Variants in SEL1L2 observed in about 807,000 individuals in gnomAD.
The protein encoded by SEL1L2 is SEL1L2 adaptor subunit of SYVN1 ubiquitin ligase.
SEL1L2 carries 89 observed loss-of-function variants against 98.8 expected under a neutral mutation model. The observed-to-expected ratio is 0.90, with a 90% confidence interval of 0.76 to 1.07. The LOEUF is 1.07. SEL1L2 is among the 50% of genes least tolerant of loss of function. The pLI is 0.00. For synonymous variants in SEL1L2, 262 were observed against 278.5 expected (o/e 0.94, Z 0.59); for missense variants, 788 against 812.0 (o/e 0.97, Z 0.36).
intron 12 of SEL1L2, among the ~76,000 whole-genome samples, chr20:13,872,334 C>A (rs909262526): frequency 6.6e-6 from 1 of 152,072 alleles, no homozygotes; most frequent in Admixed American, 6.6e-5. Flanking sequence ...ATCATGGGGG[C>A]GGTTACCCCC....
At chr20:13,908,952 C>T (rs1161573629) in intron 5 of SEL1L2, among the ~76,000 whole-genome samples, 1 of 150,828 alleles carries the variant, frequency 6.6e-6, no homozygotes, top group African/African-American at 2.5e-5. Flanking sequence ...AATAGGAATT[C>T]CTATCTTTTT....
intron 12 of SEL1L2, among the ~76,000 whole-genome samples, chr20:13,872,462 G>A (rs191266759): frequency 2.0e-5 from 3 of 152,144 alleles, no homozygotes; most frequent in Non-Finnish European, 4.4e-5. Flanking sequence ...GAAGGACGTG[G>A]TTGCTTTCCC....
chr20:13,895,597 C>T (rs1240543432), intron 5 of SEL1L2, among the ~76,000 whole-genome samples: 2 of 152,180 alleles, frequency 1.3e-5, no homozygotes, highest in Non-Finnish European at 2.9e-5. Flanking sequence ...AAGGAAATTG[C>T]CTCAACATAA....
chr20:13,983,394 CCTGT>C (rs2051965412), intron 1 of SEL1L2, among the ~76,000 whole-genome samples: 2 of 151,952 alleles, frequency 1.3e-5, no homozygotes, highest in African/African-American at 4.8e-5. Context: ...AAAGGGCAGA[CCTGT>C]CTGTTTTGCC....
At chr20:13,904,708 T>C (rs934830867) in intron 5 of SEL1L2, among the ~76,000 whole-genome samples, 6 of 152,322 alleles carry the variant, frequency 3.9e-5, no homozygotes, top group Admixed American at 3.3e-4. Flanking sequence ...AATGGCTAAA[T>C]TGGCTCTTTT....
chr20:13,909,208 C>A (rs577403260), intron 5 of SEL1L2, among the ~76,000 whole-genome samples: 1 of 152,274 alleles, frequency 6.6e-6, no homozygotes, highest in African/African-American at 2.4e-5. Context: ...GCAGTGCGGG[C>A]AGGATTTCTG....
chr20:13,916,274 G>T (rs953144312), intron 4 of SEL1L2, among the ~76,000 whole-genome samples: 2 of 152,202 alleles, frequency 1.3e-5, no homozygotes, highest in African/African-American at 4.8e-5. Flanking sequence ...GCAAAGCAAA[G>T]AGAGGGTAGG....
At chr20:13,961,956 T>A (rs2050796548) in intron 1 of SEL1L2, among the ~76,000 whole-genome samples, 1 of 152,178 alleles carries the variant, frequency 6.6e-6, no homozygotes, top group Admixed American at 6.5e-5. Flanking sequence ...TGTGAAGGCA[T>A]AGGGGAATAA....
intron 5 of SEL1L2, among the ~76,000 whole-genome samples, chr20:13,899,754 A>C (rs1018407926): frequency 1.3e-4 from 20 of 152,228 alleles, no homozygotes; most frequent in Admixed American, 1.3e-4. Context: ...CACAGCAAGT[A>C]CCATGAAGAA....
At chr20:13,961,622 C>T (rs2148469434) in intron 1 of SEL1L2, among the ~76,000 whole-genome samples, 1 of 152,310 alleles carries the variant, frequency 6.6e-6, no homozygotes, top group Admixed American at 6.5e-5. Flanking sequence ...CTCCATCTTT[C>T]TAGGAATAGG....
intron 1 of SEL1L2, among the ~76,000 whole-genome samples, chr20:13,959,115 G>T (rs1178128826): frequency 6.6e-6 from 1 of 152,092 alleles, no homozygotes; most frequent in African/African-American, 2.4e-5. Flanking sequence ...GAAGCAAATT[G>T]GAAAGATGAA....
intron 1 of SEL1L2, among the ~76,000 whole-genome samples, chr20:13,983,023 CAAAAAAAAAAA>C (rs57993052): frequency 1.9e-4 from 3 of 15,562 alleles, no homozygotes; most frequent in African/African-American, 4.6e-4. Context: ...GACTCCATCT[CAAAAAAAAAAA>C]AAAAAAAAAA....
At chr20:13,929,746 C>T (rs889678151) in intron 3 of SEL1L2, among the ~76,000 whole-genome samples, 2 of 151,220 alleles carry the variant, frequency 1.3e-5, no homozygotes, top group Non-Finnish European at 2.9e-5. Context: ...GTGATCCTCC[C>T]GCCTTGGCCT....
At chr20:13,933,776 G>T (rs1392637703) in intron 2 of SEL1L2, among the ~76,000 whole-genome samples, 2 of 152,024 alleles carry the variant, frequency 1.3e-5, no homozygotes, top group East Asian at 1.9e-4. Context: ...TGGAGAAAAG[G>T]TTTCTGTTTT....
chr20:13,936,149 G>A (rs1312130904), intron 2 of SEL1L2, among the ~76,000 whole-genome samples: 1 of 152,122 alleles, frequency 6.6e-6, no homozygotes, highest in Non-Finnish European at 1.5e-5. Context: ...TTGAAGCTCT[G>A]AAATAGCCTT....
At chr20:13,910,520 T>C (rs182962875) in intron 5 of SEL1L2, among the ~76,000 whole-genome samples, 1 of 152,322 alleles carries the variant, frequency 6.6e-6, no homozygotes, top group Non-Finnish European at 1.5e-5. Flanking sequence ...AATTTCTGGT[T>C]TGGGAACCTC....
chr20:13,901,449 T>G (rs2047677370), intron 5 of SEL1L2, among the ~76,000 whole-genome samples: 1 of 152,206 alleles, frequency 6.6e-6, no homozygotes, highest in South Asian at 2.1e-4. Context: ...ACTTTTACTA[T>G]GTAGTATTAT....
chr20:13,859,996 G>T (rs1459533437), intron 17 of SEL1L2, among the ~76,000 whole-genome samples: 1 of 152,180 alleles, frequency 6.6e-6, no homozygotes, highest in Non-Finnish European at 1.5e-5. Context: ...GAGCCTCCGC[G>T]CCCGGCCAAA....
chr20:13,957,393 C>T (rs150289362), intron 1 of SEL1L2, among the ~76,000 whole-genome samples: 31 of 152,340 alleles, frequency 2.0e-4, no homozygotes, highest in East Asian at 3.9e-4. Context: ...TGAGCTGCTG[C>T]GCCCAGCCCA....
Sources: gnomAD v4.1 joint callset for allele counts (sites outside exome capture counted in the v4.1 genomes callset) on GRCh38, gnomAD v4.1.1 for gene constraint, MANE v1.5 for transcripts, NCBI Gene and HGNC (gene_info 2026-07-23, HGNC 2026-07-21) for gene names.